Variants in BBOX1 observed in about 807,000 individuals in gnomAD.
The protein encoded by BBOX1 is gamma-butyrobetaine hydroxylase 1, also known as gamma-butyrobetaine dioxygenase.
In BBOX1, 35 loss-of-function variants were observed where a neutral mutation model predicts 41.6. The ratio of observed to expected loss-of-function variants is 0.84; its 90% CI spans 0.64 to 1.11. The LOEUF (loss-of-function observed/expected upper bound fraction) is 1.11. Ranked by LOEUF, BBOX1 falls within the 50% of genes most tolerant of loss-of-function variation. BBOX1 has a pLI of 0.00. For missense variants in BBOX1, 458 were observed against 460.6 expected (o/e 0.99, Z 0.05); for synonymous variants, 163 against 154.7 (o/e 1.05, Z -0.40).
intron 2 of BBOX1, among the ~76,000 whole-genome samples, chr11:27,049,157 T>C (rs1225606546): frequency 6.6e-6 from 1 of 151,932 alleles, no homozygotes. Flanking sequence ...ACTTCTGTAC[T>C]GTTTTCTATA....
chr11:27,088,036 A>G (rs567942216), intron 4 of BBOX1, among the ~76,000 whole-genome samples: 1 of 152,182 alleles, frequency 6.6e-6, no homozygotes, highest in African/African-American at 2.4e-5. Flanking sequence ...TATTTTTTAA[A>G]GAATATAAAT....
intron 5 of BBOX1, among the ~76,000 whole-genome samples, chr11:27,107,161 A>C (rs568366689): frequency 6.6e-6 from 1 of 152,300 alleles, no homozygotes; most frequent in African/African-American, 2.4e-5. Context: ...TGACACCCTA[A>C]CATCACAATT....
At chr11:27,070,876 G>A (rs960366218) in intron 4 of BBOX1, among the ~76,000 whole-genome samples, 3 of 152,028 alleles carry the variant, frequency 2.0e-5, no homozygotes, top group African/African-American at 7.2e-5. Context: ...AGGCCTGTGA[G>A]TTTTACGCTT....
At chr11:27,086,398 T>G (rs1858040865) in intron 4 of BBOX1, among the ~76,000 whole-genome samples, 1 of 152,090 alleles carries the variant, frequency 6.6e-6, no homozygotes, top group Admixed American at 6.6e-5. Context: ...CATTAAGAAT[T>G]ATACTGAATC....
chr11:27,107,763 C>T (rs1306239420), intron 5 of BBOX1, among the ~76,000 whole-genome samples: 1 of 152,026 alleles, frequency 6.6e-6, no homozygotes, highest in Non-Finnish European at 1.5e-5. Context: ...AGGCCTAATC[C>T]TGCTTAGCTG....
intron 5 of BBOX1, among the ~76,000 whole-genome samples, chr11:27,101,337 A>G (rs1386373588): frequency 6.6e-6 from 1 of 152,178 alleles, no homozygotes; most frequent in African/African-American, 2.4e-5. Context: ...AATGGCAATT[A>G]ATACAGAATC....
intron 5 of BBOX1, 74 bp downstream of exon 5, chr11:27,093,440 C>T (rs1858322960): frequency 8.3e-6 from 12 of 1,449,016 alleles, no homozygotes; most frequent in South Asian, 3.7e-5. Context: ...GGACGACCGC[C>T]TTGATTGAAG....
At chr11:27,127,065 CT>C (rs1859690910) in intron 8 of BBOX1, among the ~76,000 whole-genome samples, 1 of 152,022 alleles carries the variant, frequency 6.6e-6, no homozygotes, top group Non-Finnish European at 1.5e-5. Context: ...ATTAAAATAC[CT>C]TCAGGAGACT....
intron 5 of BBOX1, among the ~76,000 whole-genome samples, chr11:27,105,168 C>T (rs555169325): frequency 6.6e-6 from 1 of 152,306 alleles, no homozygotes; most frequent in Non-Finnish European, 1.5e-5. Context: ...GCTGAAAATT[C>T]TAAAAATCAG....
intron 5 of BBOX1, among the ~76,000 whole-genome samples, chr11:27,103,262 A>G (rs1858731534): frequency 6.6e-6 from 1 of 152,154 alleles, no homozygotes; most frequent in African/African-American, 2.4e-5. Context: ...AATTTCATAG[A>G]CTATGTCTTG....
At chr11:27,052,662 C>G (rs534271339) in intron 2 of BBOX1, among the ~76,000 whole-genome samples, 1 of 152,114 alleles carries the variant, frequency 6.6e-6, no homozygotes, top group Non-Finnish European at 1.5e-5. Flanking sequence ...CACAAATCTT[C>G]TTAAATCCAA....
intron 8 of BBOX1, 110 bp from the exon 9 acceptor site, chr11:27,127,183 T>C (rs1859696401): frequency 4.3e-6 from 5 of 1,173,288 alleles, no homozygotes; most frequent in African/African-American, 1.6e-5. Flanking sequence ...AAATAAGCGA[T>C]GATTCTTGAT....
chr11:27,126,055 C>G (rs552909342), intron 8 of BBOX1, among the ~76,000 whole-genome samples: 3 of 152,290 alleles, frequency 2.0e-5, no homozygotes, highest in East Asian at 1.9e-4. Context: ...CTTACTCTAA[C>G]ACACACAAGT....
intron 5 of BBOX1, among the ~76,000 whole-genome samples, chr11:27,098,842 A>G (rs1396053182): frequency 6.7e-6 from 1 of 150,142 alleles, no homozygotes; most frequent in Non-Finnish European, 1.5e-5. Flanking sequence ...ACTATATTTT[A>G]TATTATTAAT....
At chr11:27,055,220 G>A (rs914364403) in intron 2 of BBOX1, 173 bp from the exon 3 acceptor site, 1 of 493,502 alleles carries the variant, frequency 2.0e-6, no homozygotes, top group African/African-American at 1.9e-5. Flanking sequence ...TCTGCTTACA[G>A]TATGTGAAAT....
At chr11:27,060,016 T>C (rs950540826) in intron 4 of BBOX1, among the ~76,000 whole-genome samples, 3 of 152,162 alleles carry the variant, frequency 2.0e-5, no homozygotes, top group African/African-American at 7.2e-5. Flanking sequence ...TGGGAAGGCA[T>C]GACTGTATTT....
At chr11:27,094,039 A>G (rs1200590208) in intron 5 of BBOX1, among the ~76,000 whole-genome samples, 1 of 152,002 alleles carries the variant, frequency 6.6e-6, no homozygotes, top group Non-Finnish European at 1.5e-5. Context: ...GAGTTGGCTG[A>G]AAATAAAGTT....
At chr11:27,042,661 T>G (rs562873810) in intron 2 of BBOX1, among the ~76,000 whole-genome samples, 6 of 152,250 alleles carry the variant, frequency 3.9e-5, no homozygotes, top group African/African-American at 1.4e-4. Flanking sequence ...CTTTATAGAA[T>G]TCATTATTCA....
intron 5 of BBOX1, among the ~76,000 whole-genome samples, chr11:27,106,066 T>G (rs200568120): frequency 6.6e-6 from 1 of 152,062 alleles, no homozygotes. Context: ...CCACCAGGCC[T>G]GCCCTAAAAG....
Sources: allele counts gnomAD v4.1 joint callset (sites outside exome capture counted in the v4.1 genomes callset), GRCh38; gene constraint gnomAD v4.1.1; transcripts MANE v1.5; gene names NCBI Gene and HGNC (gene_info 2026-07-23, HGNC 2026-07-21).